CCDC178: variants seen among roughly 807,000 people sequenced by gnomAD.
The protein encoded by CCDC178 is coiled-coil domain-containing protein 178.
A neutral mutation model predicts 117.4 loss-of-function variants in CCDC178; 126 were observed. The observed-to-expected ratio is 1.07, with a 90% CI of 0.93 to 1.24. The LOEUF (loss-of-function observed/expected upper bound fraction) is 1.24, where lower values mean the gene tolerates loss of function less well. Among genes scored for constraint, CCDC178 ranks in the 50% most tolerant of loss-of-function variants. The pLI is 0.00. For missense variants in CCDC178, 1,030 were observed against 986.9 expected, an observed-to-expected ratio of 1.04 and a Z score of -0.59; for synonymous variants, 283 against 313.4, an observed-to-expected ratio of 0.90 and a Z score of 1.02.
intron 2 of CCDC178, among the ~76,000 whole-genome samples, chr18:33,431,191 CTT>C (rs35139388): frequency 1.5e-4 from 17 of 117,226 alleles, no homozygotes; most frequent in African/African-American, 2.8e-4. Flanking sequence ...AATGATTTAA[CTT>C]TTTTTTTTTT....
intron 5 of CCDC178, among the ~76,000 whole-genome samples, chr18:33,385,863 G>T: frequency 6.6e-6 from 1 of 152,084 alleles, no homozygotes; most frequent in East Asian, 1.9e-4. Flanking sequence ...GCTCAGAGCA[G>T]AACTGAAAGA....
chr18:33,228,849 C>A (rs2059338681), intron 15 of CCDC178, among the ~76,000 whole-genome samples: 1 of 152,170 alleles, frequency 6.6e-6, no homozygotes, highest in South Asian at 2.1e-4. Flanking sequence ...AGAAAATGGT[C>A]TACCCAAAGC....
At chr18:33,326,902 G>A (rs373169160) in intron 10 of CCDC178, among the ~76,000 whole-genome samples, 1 of 152,006 alleles carries the variant, frequency 6.6e-6, no homozygotes, top group Admixed American at 6.5e-5. Context: ...TTAGCCCAAA[G>A]TATCAGTCCT....
intron 21 of CCDC178, among the ~76,000 whole-genome samples, chr18:33,089,493 A>C (rs1598871406): frequency 6.6e-6 from 1 of 152,178 alleles, no homozygotes. Flanking sequence ...TTGTCCACAC[A>C]AGTATTTGTT....
At position 33,340,860 on chromosome 18, in the gene CCDC178, G is replaced by A. The variant is rs373316107; in HGVS notation, c.658+5351C>T. On this transcript the variant is annotated intron_variant, in intron 9 of 22. Coordinates refer to ENST00000383096, the MANE Select transcript of CCDC178 (RefSeq NM_001105528.4). ...GCTGTAAGGGTGGGGCCCTCATAAAGAATCTCTGCTAGGGTGCTGAGGAAG... is the reference window on the plus strand; with the variant it reads ...GCTGTAAGGGTGGGGCCCTCATAAAAAATCTCTGCTAGGGTGCTGAGGAAG... Among the ~76,000 whole-genome samples, 17 of 152,326 alleles carry A rather than the reference G, an allele frequency of 1.1e-4. No individual in the cohort carries two copies. The East Asian group carries it at 3.3e-3, about 29-fold the overall frequency.
intron 20 of CCDC178, among the ~76,000 whole-genome samples, chr18:33,099,715 A>G (rs916127203): frequency 6.6e-6 from 1 of 151,976 alleles, no homozygotes; most frequent in African/African-American, 2.4e-5. Context: ...TTACTACAGA[A>G]AGCAAGAGTT....
At chr18:33,005,489 A>AT (rs2055727896) in intron 21 of CCDC178, among the ~76,000 whole-genome samples, 1 of 152,030 alleles carries the variant, frequency 6.6e-6, no homozygotes, top group African/African-American at 2.4e-5. Flanking sequence ...GGGGAATAGG[A>AT]GATGGTTAAT....
At chr18:33,440,128 G>T (rs1306912784) in intron 1 of CCDC178, 47 bp from the exon 2 acceptor site, 1 of 151,990 alleles carries the variant, frequency 6.6e-6, no homozygotes, top group South Asian at 2.1e-4. Flanking sequence ...CAGTTCAAAG[G>T]AATAATACAT....
At chr18:33,129,655 A>T (rs1028620335) in intron 20 of CCDC178, among the ~76,000 whole-genome samples, 6 of 152,038 alleles carry the variant, frequency 3.9e-5, no homozygotes, top group African/African-American at 1.4e-4. Context: ...GCAAAAAAAA[A>T]ATAGTAAAGA....
intron 5 of CCDC178, among the ~76,000 whole-genome samples, chr18:33,381,949 A>G (rs2063443514): frequency 6.6e-6 from 1 of 152,092 alleles, no homozygotes; most frequent in Non-Finnish European, 1.5e-5. Flanking sequence ...GTACCACAAT[A>G]GCACATAGAT....
chr18:33,262,614 C>A (rs2059764072), intron 14 of CCDC178, among the ~76,000 whole-genome samples: 1 of 152,032 alleles, frequency 6.6e-6, no homozygotes, highest in Non-Finnish European at 1.5e-5. Context: ...TGGCCTGCCA[C>A]ATAAAAACAC....
rs1187565496 is a variant in CCDC178, at chr18:33,288,363, C to G, written c.1176+4796G>C. Among the ~76,000 whole-genome samples the G allele has an allele frequency of 5.3e-5, 6 of 112,806 alleles. 1 individual carries two copies. The highest frequency in any genetic ancestry group is 2.1e-4 in the African/African-American group (6 of 27,988). 74.0% of individuals were successfully genotyped at this position (112,806 alleles called of 152,430 possible). A position where few individuals can be genotyped will look rare whatever the true frequency, so the allele number is the denominator to read the frequency against. The stretch of plus-strand genomic sequence containing the variant: ...TCCTCCCCTCCTGTCCCCTCCTCTC[C>G]CTTCTGCTCTCCTCCCCTCCTCTCC... On this transcript the variant is annotated intron_variant, in intron 12 of 22. Coordinates refer to ENST00000383096, the MANE Select transcript of CCDC178 (RefSeq NM_001105528.4).
intron 6 of CCDC178, among the ~76,000 whole-genome samples, chr18:33,358,225 C>A (rs571155790): frequency 1.3e-5 from 2 of 151,944 alleles, no homozygotes; most frequent in Non-Finnish European, 2.9e-5. Context: ...AGACTAAATT[C>A]ATGTACATAA....
chr18:33,078,353 T>G (rs2057243772), intron 21 of CCDC178, among the ~76,000 whole-genome samples: 3 of 152,080 alleles, frequency 2.0e-5, no homozygotes, highest in Admixed American at 6.6e-5. Context: ...CTGGAACCAT[T>G]CCCATTGAAA....
intron 19 of CCDC178, among the ~76,000 whole-genome samples, chr18:33,213,032 G>C (rs16964432): frequency 0.026 from 3,977 of 151,988 alleles, 178 homozygotes; most frequent in African/African-American, 0.092. Flanking sequence ...CTAATATTTT[G>C]GGAAGGACTA....
At chr18:33,410,285 C>T (rs1010031004) in intron 3 of CCDC178, among the ~76,000 whole-genome samples, 1 of 152,150 alleles carries the variant, frequency 6.6e-6, no homozygotes, top group African/African-American at 2.4e-5. Flanking sequence ...AGTTACACAC[C>T]TGTATGATTC....
At chr18:32,987,629 A>G (rs2055290949) in intron 21 of CCDC178, among the ~76,000 whole-genome samples, 1 of 152,216 alleles carries the variant, frequency 6.6e-6, no homozygotes, top group East Asian at 1.9e-4. Flanking sequence ...TATATACATT[A>G]AAACATAAAC....
intron 10 of CCDC178, among the ~76,000 whole-genome samples, chr18:33,331,197 T>C (rs1599172606): frequency 6.6e-6 from 1 of 151,864 alleles, no homozygotes; most frequent in African/African-American, 2.4e-5. Context: ...TTAAAACACA[T>C]ATAGACAAAA....
At chr18:33,078,889 A>G (rs1482383901) in intron 21 of CCDC178, among the ~76,000 whole-genome samples, 1 of 152,220 alleles carries the variant, frequency 6.6e-6, no homozygotes, top group Admixed American at 6.5e-5. Context: ...TATTCCTATG[A>G]AACTACCAAT....
Sources: gnomAD v4.1 joint callset for allele counts (sites outside exome capture counted in the v4.1 genomes callset) on GRCh38, gnomAD v4.1.1 for gene constraint, MANE v1.5 for transcripts, NCBI Gene and HGNC (gene_info 2026-07-23, HGNC 2026-07-21) for gene names.